The following CNBD1 variants were observed in gnomAD, a reference collection of about 807,000 sequenced individuals.
The protein encoded by CNBD1 is cyclic nucleotide binding domain containing 1.
In CNBD1, 71 loss-of-function variants were observed where a neutral mutation model predicts 54.4. The ratio of observed to expected loss-of-function variants is 1.30; its 90% CI spans 1.08 to 1.59. The LOEUF is 1.59. CNBD1 is among the 40% of genes most tolerant of loss of function. The pLI, the probability that CNBD1 is intolerant of heterozygous loss-of-function variation, is 0.00. For synonymous variants in CNBD1, 182 were observed against 170.7 expected, an observed-to-expected ratio of 1.07 and a Z score of -0.51; for missense variants, 659 against 518.0, an observed-to-expected ratio of 1.27 and a Z score of -2.64.
At chr8:87,343,034 T>C (rs1048351144) in intron 8 of CNBD1, among the ~76,000 whole-genome samples, 4 of 152,146 alleles carry the variant, frequency 2.6e-5, no homozygotes, top group Admixed American at 6.5e-5. Context: ...CTGCCATCTA[T>C]AGACCTACCC....
chr8:87,425,778 C>A (rs1808035412), intron 2 of CNBD1, among the ~76,000 whole-genome samples: 2 of 152,104 alleles, frequency 1.3e-5, no homozygotes, highest in African/African-American at 2.4e-5. Context: ...TTTTGTTTGT[C>A]TGTGCCCTGC....
At chr8:87,366,056 C>T (rs1810634964) in intron 10 of CNBD1, among the ~76,000 whole-genome samples, 1 of 151,996 alleles carries the variant, frequency 6.6e-6, no homozygotes, top group East Asian at 1.9e-4. Flanking sequence ...AGTATCCAGA[C>T]TTCATTGTAG....
intron 2 of CNBD1, among the ~76,000 whole-genome samples, chr8:86,894,855 A>G (rs530099821): frequency 2.1e-4 from 32 of 152,284 alleles, no homozygotes; most frequent in African/African-American, 7.5e-4. Context: ...AATATCAGAG[A>G]TTAGATAATT....
intron 1 of CNBD1, among the ~76,000 whole-genome samples, chr8:86,872,024 C>T (rs947642910): frequency 4.6e-5 from 7 of 152,184 alleles, no homozygotes; most frequent in Non-Finnish European, 8.8e-5. Context: ...GGTATTCGTA[C>T]ATCATCTGTA....
At chr8:87,055,833 T>C (rs1810402018) in intron 4 of CNBD1, among the ~76,000 whole-genome samples, 1 of 138,412 alleles carries the variant, frequency 7.2e-6, no homozygotes, top group South Asian at 2.6e-4. Context: ...TCCCTCCCTC[T>C]CTCTTTCCTT....
intron 3 of CNBD1, among the ~76,000 whole-genome samples, chr8:86,930,730 G>T (rs964496935): frequency 2.0e-4 from 30 of 152,214 alleles, no homozygotes; most frequent in Non-Finnish European, 3.5e-4. Flanking sequence ...TTTTGCACTA[G>T]TCTCCATTGA....
At chr8:87,348,656 G>A (rs886850950) in intron 8 of CNBD1, among the ~76,000 whole-genome samples, 1 of 152,096 alleles carries the variant, frequency 6.6e-6, no homozygotes, top group African/African-American at 2.4e-5. Flanking sequence ...AGACTAGTAG[G>A]CTGAGGTTTA....
chr8:87,144,609 G>T (rs371405109), intron 4 of CNBD1, among the ~76,000 whole-genome samples: 1 of 152,230 alleles, frequency 6.6e-6, no homozygotes, highest in South Asian at 2.1e-4. Context: ...ATCACCTGAG[G>T]TCAGGAGTTC....
chr8:86,986,276 C>A (rs73271762), intron 4 of CNBD1, among the ~76,000 whole-genome samples: 3,099 of 152,184 alleles, frequency 0.02, 95 homozygotes, highest in African/African-American at 0.069. Flanking sequence ...TGATGATGAG[C>A]AGTTTTATAT....
At chr8:87,116,119 C>T (rs1811762339) in intron 4 of CNBD1, among the ~76,000 whole-genome samples, 1 of 150,304 alleles carries the variant, frequency 6.7e-6, no homozygotes, top group Non-Finnish European at 1.5e-5. Flanking sequence ...ATTAAACCTA[C>T]AAATTTTGTC....
At chr8:87,084,574 T>G (rs907715074) in intron 4 of CNBD1, among the ~76,000 whole-genome samples, 1 of 152,196 alleles carries the variant, frequency 6.6e-6, no homozygotes, top group Non-Finnish European at 1.5e-5. Flanking sequence ...TATTCCTGTA[T>G]TGTATGAAAT....
intron 10 of CNBD1, among the ~76,000 whole-genome samples, chr8:87,380,511 G>A (rs1811052269): frequency 6.6e-6 from 1 of 151,546 alleles, no homozygotes; most frequent in Non-Finnish European, 1.5e-5. Context: ...ATTTTTTATG[G>A]TTCCATATGA....
At chr8:87,014,169 C>T (rs542547169) in intron 4 of CNBD1, among the ~76,000 whole-genome samples, 8 of 151,166 alleles carry the variant, frequency 5.3e-5, no homozygotes, top group Non-Finnish European at 1.2e-4. Context: ...GAAGAGTAGT[C>T]AAATGTTTTT....
chr8:86,905,829 G>T (rs1428828488), intron 3 of CNBD1, among the ~76,000 whole-genome samples: 3 of 152,124 alleles, frequency 2.0e-5, no homozygotes, highest in Non-Finnish European at 2.9e-5. Flanking sequence ...TTATATCAGT[G>T]CAGTACCAGA....
At chr8:87,205,052 A>G (rs920290561) in intron 4 of CNBD1, among the ~76,000 whole-genome samples, 1 of 152,146 alleles carries the variant, frequency 6.6e-6, no homozygotes, top group African/African-American at 2.4e-5. Context: ...ATACACATGG[A>G]TACCAGATGG....
intron 4 of CNBD1, among the ~76,000 whole-genome samples, chr8:87,109,846 G>GT (rs1192824381): frequency 6.6e-6 from 1 of 152,032 alleles, no homozygotes; most frequent in African/African-American, 2.4e-5. Context: ...CCAAGTCAGA[G>GT]TTTTTTGTAC....
At chr8:87,176,310 A>G (rs1185899785) in intron 4 of CNBD1, among the ~76,000 whole-genome samples, 1 of 152,132 alleles carries the variant, frequency 6.6e-6, no homozygotes, top group Non-Finnish European at 1.5e-5. Flanking sequence ...GTATATCTTT[A>G]TTATGTTCTT....
At chr8:87,342,137 G>A (rs57949446) in intron 8 of CNBD1, among the ~76,000 whole-genome samples, 2 of 152,260 alleles carry the variant, frequency 1.3e-5, no homozygotes, top group East Asian at 1.9e-4. Context: ...GCCGGGCATG[G>A]TGGCAGGCAT....
intron 4 of CNBD1, among the ~76,000 whole-genome samples, chr8:87,033,394 TC>T (rs1288723985): frequency 1.3e-5 from 2 of 152,208 alleles, no homozygotes; most frequent in Admixed American, 1.3e-4. Context: ...AAAGGCAATT[TC>T]TTACTGACAA....
Sources: allele counts gnomAD v4.1 joint callset (sites outside exome capture counted in the v4.1 genomes callset), GRCh38; gene constraint gnomAD v4.1.1; transcripts MANE v1.5; gene names NCBI Gene and HGNC (gene_info 2026-07-23, HGNC 2026-07-21).